Variants in TMEM81 observed in about 807,000 individuals in gnomAD.
TMEM81 encodes transmembrane protein 81.
For synonymous variants in TMEM81, 132 were observed against 119.1 expected (o/e 1.11, Z -0.71); for missense variants, 294 against 300.5 (o/e 0.98, Z 0.16).
chr1:205,084,316 T>C lies in TMEM81; in HGVS notation c.5A>G (p.Lys2Arg). The C allele has an allele frequency of 1.2e-6, 2 of 1,610,820 alleles. No individual in the cohort carries two copies. Among genetic ancestry groups the C allele is most frequent in the Non-Finnish European group, 1.7e-6 (2 of 1,178,192 alleles). Reference sequence around the variant, plus strand: ...AAGGACAAAACTAGTGGCTAAAACCTTCATGTCTCGGTAGGCGTTTTGCCA... The same window carrying C: ...AAGGACAAAACTAGTGGCTAAAACCCTCATGTCTCGGTAGGCGTTTTGCCA... Reference protein sequence around the residue: MKVLATSFVLGS... With the variant: MRVLATSFVLGS... The change falls in exon 1 of 1, where the codon AAG becomes AGG. Residue 2 changes from lysine (K) to arginine (R), a missense_variant. Lys to Arg is a conservative substitution (Grantham distance 26). Coordinates refer to ENST00000367167, the MANE Select transcript of TMEM81 (RefSeq NM_203376.2).
At position 205,083,206 on chromosome 1, in the gene TMEM81, A is replaced by G. The variant is rs1378243055; in HGVS notation, c.*347T>C. On this transcript the variant is annotated 3_prime_UTR_variant, in exon 1 of 1. Coordinates refer to ENST00000367167, the MANE Select transcript of TMEM81 (RefSeq NM_203376.2). ...ATCCCTCTACATGAATACACAGCTC[A>G]GAAGAGGGGAAATGGAGGTGGGGAG... 1 of 262,622 alleles carries G rather than the reference A, an allele frequency of 3.8e-6. No homozygotes were observed. Among genetic ancestry groups the G allele is most frequent in the African/African-American group, 2.2e-5 (1 of 45,238 alleles). The allele number at this position is 262,622 out of a possible 1,614,324, so 16.3% of individuals were successfully genotyped here.
At position 205,084,352 on chromosome 1, in the gene TMEM81, G is replaced by C; in HGVS notation, c.-32C>G. The C allele has an allele frequency of 6.3e-7, 1 of 1,592,028 alleles. No individual in the cohort carries two copies. The highest frequency in any genetic ancestry group is 8.6e-7 in the Non-Finnish European group (1 of 1,169,374). On this transcript the variant is annotated 5_prime_UTR_variant, in exon 1 of 1. Transcript: ENST00000367167. ...GTAGGCGTTTTGCCACCCTCAGCCA[G>C]CACCCACAAGGTATTCCAGCTGAAT...
chr1:205,084,194 T>C lies in TMEM81; in HGVS notation c.127A>G (p.Ile43Val), dbSNP rs760578052. 1 of 1,614,070 alleles carries C rather than the reference T, an allele frequency of 6.2e-7. No homozygotes were observed. Residue 43 changes from isoleucine to valine, a missense_variant, in exon 1 of 1, where the codon ATC becomes GTC. By Grantham distance (29) the Ile-to-Val change is conservative (BLOSUM62 3). Coordinates refer to ENST00000367167, the MANE Select transcript of TMEM81 (RefSeq NM_203376.2). ...ACAGTACAGGTTGTGGCATTGATGA[T>C]AACTTTCCCCACAGCTTCTTGCAGC... ...EKLQEAVGKV[I>V]INATTCTVTC...
Position 205,083,439 on chromosome 1 carries a change from G to T in TMEM81, c.*114C>A. 8.3e-7 allele frequency: 1 copy of T among 1,204,494 alleles called. No homozygotes were observed. The highest frequency in any genetic ancestry group is 1.2e-6 in the Non-Finnish European group (1 of 867,612). 74.6% of individuals were successfully genotyped at this position (1,204,494 alleles called of 1,614,324 possible). A position where few individuals can be genotyped will look rare whatever the true frequency, so the allele number is the denominator to read the frequency against. On this transcript the variant is annotated 3_prime_UTR_variant, in exon 1 of 1. Transcript: ENST00000367167. Reference sequence around the variant, plus strand: ...CCCACTCATTCTTTTGGCTGTGGGAGTGTTCCCTCTAAGCTGATCCACTAC... The same window carrying T: ...CCCACTCATTCTTTTGGCTGTGGGATTGTTCCCTCTAAGCTGATCCACTAC...
chr1:205,084,145 T>C lies in TMEM81; in HGVS notation c.176A>G (p.Glu59Gly). The C allele has an allele frequency of 6.2e-7, 1 of 1,614,202 alleles. No homozygotes were observed. The highest frequency in any genetic ancestry group is 8.5e-7 in the Non-Finnish European group (1 of 1,180,050). ...CTVTCGLGYK[E>G]ETVCEVGPDG... ...AGGGCCCACCTCACAGACGGTCTCC[T>C]CCTTATAGCCAAGGCCACAGGTGAC... Residue 59 changes from glutamate to glycine, a missense_variant, in exon 1 of 1, where the codon GAG becomes GGG. Physicochemically the swap from Glu to Gly is moderately conservative, Grantham distance 98 (BLOSUM62 -2). Coordinates refer to ENST00000367167, the MANE Select transcript of TMEM81 (RefSeq NM_203376.2).
Position 205,083,152 on chromosome 1 carries a change from A to C in TMEM81, c.*401T>G, listed in dbSNP as rs1347124608. 6.0e-6 allele frequency: 1 copy of C among 167,794 alleles called. No individual in the cohort carries two copies. The highest frequency in any genetic ancestry group is 6.3e-5 in the Admixed American group (1 of 15,908). The allele number at this position is 167,794 out of a possible 1,614,324, so 10.4% of individuals were successfully genotyped here. ...GCTACTGTGAATTACTTTTATTGAA[A>C]AAAAATGTTCACTAAAAAGGCTGAA... On this transcript the variant is annotated 3_prime_UTR_variant, in exon 1 of 1. Transcript: ENST00000367167.
rs372233302 is a variant in TMEM81, at chr1:205,084,355, C to G, written c.-35G>C. On this transcript the variant is annotated 5_prime_UTR_variant, in exon 1 of 1. Transcript: ENST00000367167. ...GGCGTTTTGCCACCCTCAGCCAGCA[C>G]CCACAAGGTATTCCAGCTGAATCCT... 6.3e-7 allele frequency: 1 copy of G among 1,585,446 alleles called. No homozygotes were observed.
In TMEM81 at chr1:205,083,266, A is replaced by G; in HGVS notation, c.*287T>C. The G allele has an allele frequency of 2.6e-6, 1 of 386,618 alleles. No individual in the cohort carries two copies. Among genetic ancestry groups the G allele is most frequent in the Non-Finnish European group, 4.6e-6 (1 of 216,770 alleles). 23.9% of individuals were successfully genotyped at this position (386,618 alleles called of 1,614,324 possible). A position where few individuals can be genotyped will look rare whatever the true frequency, so the allele number is the denominator to read the frequency against. ...TCATAAAGGGTAGAAAATGAATGCA[A>G]GCTTCTTAGAACTCTTCCCAGGAAC... On this transcript the variant is annotated 3_prime_UTR_variant, in exon 1 of 1. Transcript: ENST00000367167.
At position 205,084,153 on chromosome 1, in the gene TMEM81, GC is replaced by G; in HGVS notation, c.167del (p.Gly56AlafsTer15). On this transcript the variant is annotated frameshift_variant, in exon 1 of 1. Transcript: ENST00000367167. LOFTEE classifies it low-confidence loss of function (END_TRUNC). ...ATTCTVTCGL[G>X]YKEETVCEVG... ...CCTCACAGACGGTCTCCTCCTTATA[GC>G]CAAGGCCACAGGTGACAGTACAGGT... The G allele has an allele frequency of 6.2e-7, 1 of 1,614,034 alleles. No individual in the cohort carries two copies. Among genetic ancestry groups the G allele is most frequent in the Non-Finnish European group, 8.5e-7 (1 of 1,180,052 alleles).
At position 205,083,719 on chromosome 1, in the gene TMEM81, A is replaced by G; in HGVS notation, c.602T>C (p.Ile201Thr). The G allele has an allele frequency of 6.2e-7, 1 of 1,614,190 alleles. No homozygotes were observed. Among genetic ancestry groups the G allele is most frequent in the Non-Finnish European group, 8.5e-7 (1 of 1,180,042 alleles). ...HQSLTEDQKLIDEGLEVNLDS... is the reference protein window; with the variant it reads ...HQSLTEDQKLTDEGLEVNLDS... ...CAGATTAACTTCCAATCCCTCATCT[A>G]TTAACTTCTGATCCTCAGTAAGTGA... Residue 201 changes from isoleucine (I) to threonine (T), a missense_variant, in exon 1 of 1, where the codon ATA becomes ACA. Coordinates refer to ENST00000367167, the MANE Select transcript of TMEM81 (RefSeq NM_203376.2).
Position 205,083,261 on chromosome 1 carries a change from A to G in TMEM81, c.*292T>C, listed in dbSNP as rs536113807. ...CCAAGTCATAAAGGGTAGAAAATGA[A>G]TGCAAGCTTCTTAGAACTCTTCCCA... is the stretch of plus-strand genomic sequence containing the variant. On this transcript the variant is annotated 3_prime_UTR_variant, in exon 1 of 1. Transcript: ENST00000367167. The G allele has an allele frequency of 1.2e-3, 461 of 379,482 alleles. 2 individuals are homozygous for G. Among genetic ancestry groups the G allele is most frequent in the Admixed American group, 2.8e-3 (67 of 23,926 alleles). The allele number at this position is 379,482 out of a possible 1,614,324, so 23.5% of individuals were successfully genotyped here. A position where few individuals can be genotyped will look rare whatever the true frequency, so the allele number is the denominator to read the frequency against.
chr1:205,084,089 G>T lies in TMEM81; in HGVS notation c.232C>A (p.Arg78Ser). The change falls in exon 1 of 1, where the codon CGC becomes AGC. Residue 78 changes from arginine to serine, a missense_variant. Arg to Ser is a moderately radical substitution (Grantham distance 110). Coordinates refer to ENST00000367167, the MANE Select transcript of TMEM81 (RefSeq NM_203376.2). The stretch of plus-strand genomic sequence containing the variant: ...ATCCAGTTGGTCAGACATTCTAAGC[G>T]CCGAGTCTGACATTTCCTTCTCACT... Reference protein sequence around the residue: ...DGVRRKCQTRRLECLTNWICG... With the variant: ...DGVRRKCQTRSLECLTNWICG... 1 of 1,614,166 alleles carries T rather than the reference G, an allele frequency of 6.2e-7. No homozygotes were observed. Among genetic ancestry groups the T allele is most frequent in the Non-Finnish European group, 8.5e-7 (1 of 1,180,028 alleles).
Position 205,083,583 on chromosome 1 carries a change from G to C in TMEM81, c.738C>G (p.Leu246=). The change falls in exon 1 of 1, where the codon CTC becomes CTG. Residue 246 remains leucine, a synonymous_variant. Coordinates refer to ENST00000367167, the MANE Select transcript of TMEM81 (RefSeq NM_203376.2). Reference sequence around the variant, plus strand: ...GCTGCAGGCCCCCCCTTAGCGCACAGAGGACAATCCTCACCAACACGCCAC... The same window carrying C: ...GCTGCAGGCCCCCCCTTAGCGCACACAGGACAATCCTCACCAACACGCCAC... ...VVGGVLVRIV[L]CALRGGLQQ is the part of the protein sequence containing the mutation. 1 of 1,612,850 alleles carries C rather than the reference G, an allele frequency of 6.2e-7. No homozygotes were observed. The highest frequency in any genetic ancestry group is 2.2e-5 in the East Asian group (1 of 44,822).
rs1027841493 is a variant in TMEM81 at position 205,083,149 on chromosome 1, GA to G, written c.*403del. On this transcript the variant is annotated 3_prime_UTR_variant, in exon 1 of 1. Coordinates refer to ENST00000367167, the MANE Select transcript of TMEM81 (RefSeq NM_203376.2). ...ACAGCTACTGTGAATTACTTTTATT[GA>G]AAAAAAATGTTCACTAAAAAGGCTG... 3 of 165,790 alleles carry G rather than the reference GA, an allele frequency of 1.8e-5. No homozygotes were observed. The highest frequency in any genetic ancestry group is 1.7e-4 in the East Asian group (1 of 5,776). The allele number at this position is 165,790 out of a possible 1,614,324, so 10.3% of individuals were successfully genotyped here.
rs978200195 is a variant in TMEM81, at chr1:205,084,441, G to C, written c.-121C>G. The C allele has an allele frequency of 1.9e-6, 2 of 1,026,366 alleles. No individual in the cohort carries two copies. The highest frequency in any genetic ancestry group is 3.4e-5 in the South Asian group (2 of 59,574). The allele number at this position is 1,026,366 out of a possible 1,614,324, so 63.6% of individuals were successfully genotyped here. A position where few individuals can be genotyped will look rare whatever the true frequency, so the allele number is the denominator to read the frequency against. On this transcript the variant is annotated 5_prime_UTR_variant, in exon 1 of 1. Transcript: ENST00000367167. ...ATCCTTCAAAGTCAAAAGATATGAT[G>C]CATGTATTGTCAATAAAACAACACA... is the stretch of plus-strand genomic sequence containing the variant.
Position 205,084,227 on chromosome 1 carries a change from G to A in TMEM81, c.94C>T (p.Pro32Ser). Residue 32 changes from proline (P) to serine (S), a missense_variant, in exon 1 of 1, where the codon CCT (proline) becomes TCT (serine). By Grantham distance (74) the Pro-to-Ser change is moderately conservative. Transcript: ENST00000367167. ...CCCACAGCTTCTTGCAGCTTCTCAG[G>A]GATGGCCAGTGTTTTAGGTGTAGTC... ...VVTTPKTLAI[P>S]EKLQEAVGKV... is the part of the protein sequence containing the mutation. The A allele has an allele frequency of 9.9e-6, 16 of 1,614,038 alleles. No individual in the cohort carries two copies. Among genetic ancestry groups the A allele is most frequent in the Non-Finnish European group, 1.3e-5 (15 of 1,180,016 alleles).
At position 205,083,968 on chromosome 1, in the gene TMEM81, C is replaced by T. The variant is rs146591308; in HGVS notation, c.353G>A (p.Arg118Gln). ...ACCTCGAGCAAGTCTCCAGGTGAAC[C>T]GGAAAGCTTCCTGTCCAAACTCCAA... ...DILEFGQEAF[R>Q]FTWRLARGVI... The change falls in exon 1 of 1, where the codon CGG (arginine) becomes CAG (glutamine). Residue 118 changes from arginine to glutamine, a missense_variant. Coordinates refer to ENST00000367167, the MANE Select transcript of TMEM81 (RefSeq NM_203376.2). The T allele has an allele frequency of 7.1e-5, 115 of 1,614,184 alleles. No individual in the cohort carries two copies. The highest frequency in any genetic ancestry group is 4.9e-4 in the African/African-American group (37 of 75,048).
Position 205,084,138 on chromosome 1 carries a change from G to C in TMEM81, c.183C>G (p.Thr61=), listed in dbSNP as rs895048437. 5.0e-6 allele frequency: 8 copies of C among 1,614,092 alleles called. No individual in the cohort carries two copies. Among genetic ancestry groups the C allele is most frequent in the Non-Finnish European group, 6.8e-6 (8 of 1,180,026 alleles). Residue 61 remains threonine, a synonymous_variant, in exon 1 of 1, where the codon ACC becomes ACG. Transcript: ENST00000367167. ...CTCCATCAGGGCCCACCTCACAGAC[G>C]GTCTCCTCCTTATAGCCAAGGCCAC... ...VTCGLGYKEE[T]VCEVGPDGVR... is the part of the protein sequence containing the mutation.
Position 205,083,702 on chromosome 1 carries a change from C to T in TMEM81, c.619G>A (p.Val207Ile), listed in dbSNP as rs764437548. The T allele has an allele frequency of 6.2e-7, 1 of 1,614,118 alleles. No individual in the cohort carries two copies. Among genetic ancestry groups the T allele is most frequent in the Non-Finnish European group, 8.5e-7 (1 of 1,180,054 alleles). The change falls in exon 1 of 1, where the codon GTT (valine) becomes ATT (isoleucine). Residue 207 changes from valine (V) to isoleucine (I), a missense_variant. By Grantham distance (29) the Val-to-Ile change is conservative. Coordinates refer to ENST00000367167, the MANE Select transcript of TMEM81 (RefSeq NM_203376.2). ...GGCTTGGAGTAGCTGTCCAGATTAA[C>T]TTCCAATCCCTCATCTATTAACTTC... ...DQKLIDEGLE[V>I]NLDSYSKPHH...
Sources: allele counts gnomAD v4.1 joint callset, GRCh38; gene constraint gnomAD v4.1.1; transcripts MANE v1.5; gene names NCBI Gene and HGNC (gene_info 2026-07-23, HGNC 2026-07-21).